Variants in SYNM observed in about 807,000 individuals in gnomAD.
SYNM encodes the protein desmuslin.
SYNM carries 95 observed loss-of-function variants against 104.0 expected under a neutral mutation model. The observed-to-expected ratio is 0.91, with a 90% CI of 0.77 to 1.08. The LOEUF (loss-of-function observed/expected upper bound fraction) is 1.08. Ranked by LOEUF, SYNM falls within the 50% of genes least tolerant of loss-of-function variation. The pLI is 0.00. For missense variants in SYNM, 2,150 were observed against 2,052.2 expected (o/e 1.05, Z -0.92); for synonymous variants, 918 against 869.0 (o/e 1.06, Z -0.99).
chr15:99,137,807 C>T, downstream of SYNM: 1 of 761,622 alleles, frequency 1.3e-6, no homozygotes, highest in Non-Finnish European at 2.0e-6. Context: ...TGCTTTATAG[C>T]ATATATCACC....
At chr15:99,127,179 T>C (rs548867577) in intron 3 of SYNM, among the ~76,000 whole-genome samples, 1 of 152,256 alleles carries the variant, frequency 6.6e-6, no homozygotes, top group South Asian at 2.1e-4. Context: ...GGTATGGCCT[T>C]GGATGGCAGG....
rs368878004 is a variant in SYNM at position 99,129,784 on chromosome 15, G to A, written c.1424G>A (p.Arg475His). 6 of 1,613,428 alleles carry A rather than the reference G, an allele frequency of 3.7e-6. No homozygotes were observed. Among genetic ancestry groups the A allele is most frequent in the East Asian group, 2.2e-5 (1 of 44,884 alleles). ...ATTGCCCGCGAGTCGTACCGGGATC[G>A]CCGAGACAAGGTGGCAGCAGGTGCT... The part of the protein sequence containing the change: ...STIARESYRD[R>H]RDKVAAGASE... The change falls in exon 4 of 4, where the codon CGC (arginine) becomes CAC (histidine). Residue 475 changes from arginine (R) to histidine (H), a missense_variant. By Grantham distance (29) the Arg-to-His change is conservative. Coordinates refer to ENST00000336292, the MANE Select transcript of SYNM (RefSeq NM_145728.3).
intron 2 of SYNM, among the ~76,000 whole-genome samples, chr15:99,126,513 C>T (rs1555485028): frequency 6.6e-6 from 1 of 152,232 alleles, no homozygotes; most frequent in Non-Finnish European, 1.5e-5. Context: ...TGGCGGTGAG[C>T]AGAGCAGGTG....
chr15:99,133,285 TACA>T lies in SYNM; in HGVS notation c.*229_*231del. On this transcript the variant is annotated 3_prime_UTR_variant, in exon 4 of 4. Transcript: ENST00000336292. ...AATTTTATTTTTGAGTTGGGACTTT[TACA>T]AAACACTTTTTTCCCTGGAGTCTTC... is the stretch of plus-strand genomic sequence containing the variant. 1.2e-6 allele frequency: 1 copy of T among 854,158 alleles called. No homozygotes were observed. Among genetic ancestry groups the T allele is most frequent in the Non-Finnish European group, 1.7e-6 (1 of 594,666 alleles). 52.9% of individuals were successfully genotyped at this position (854,158 alleles called of 1,614,324 possible). A position where few individuals can be genotyped will look rare whatever the true frequency, so the allele number is the denominator to read the frequency against.
In SYNM at chr15:99,105,570, TGGGCGCGCGCGCCGCCCTCGAGGC is replaced by T; in HGVS notation, c.373_396del (p.Gly125_Ala132del). ...CAGCAGCGCGAGCTGCAGGAGGCGC[TGGGCGCGCGCGCCGCCCTCGAGGC>T]GCTGCTGGGCCGGCTGCAGGCCGAG... On this transcript the variant is annotated inframe_deletion, in exon 1 of 4. Transcript: ENST00000336292. The T allele has an allele frequency of 1.7e-6, 2 of 1,164,034 alleles. No individual in the cohort carries two copies. The highest frequency in any genetic ancestry group is 2.1e-6 in the Non-Finnish European group (2 of 947,612). The allele number at this position is 1,164,034 out of a possible 1,614,324, so 72.1% of individuals were successfully genotyped here.
In SYNM at chr15:99,132,139, C is replaced by A. The variant is rs372141783; in HGVS notation, c.3779C>A (p.Thr1260Asn). ...ACAGAAGAGTCAGTGGGTACCCAGA[C>A]TTCTGTCAGGCAACTCCAGTTAGGC... The part of the protein sequence containing the change: ...FATEESVGTQ[T>N]SVRQLQLGPK... Residue 1260 changes from threonine to asparagine, a missense_variant, in exon 4 of 4, where the codon ACT (threonine) becomes AAT (asparagine). By Grantham distance (65) the Thr-to-Asn change is moderately conservative (BLOSUM62 0). Coordinates refer to ENST00000336292, the MANE Select transcript of SYNM (RefSeq NM_145728.3). 15 of 1,614,044 alleles carry A rather than the reference C, an allele frequency of 9.3e-6. No homozygotes were observed. The highest frequency in any genetic ancestry group is 1.7e-6 in the Non-Finnish European group (2 of 1,179,910).
rs928353694 is a variant in SYNM at position 99,135,029 on chromosome 15, G to A, written c.*1971G>A. The A allele has an allele frequency of 1.3e-5, 2 of 152,378 alleles. No homozygotes were observed. The highest frequency in any genetic ancestry group is 2.9e-5 in the Non-Finnish European group (2 of 68,050). The allele number at this position is 152,378 out of a possible 1,614,324, so 9.4% of individuals were successfully genotyped here. ...GGTGACAGCCTCCTGTCTGATGACA[G>A]GACAGACTGGTGGTGAGGAGTCTAA... On this transcript the variant is annotated 3_prime_UTR_variant, in exon 4 of 4. Coordinates refer to ENST00000336292, the MANE Select transcript of SYNM (RefSeq NM_145728.3).
In SYNM at chr15:99,105,856, C is replaced by G; in HGVS notation, c.657C>G (p.Ser219Arg). 1 of 1,541,030 alleles carries G rather than the reference C, an allele frequency of 6.5e-7. No individual in the cohort carries two copies. Among genetic ancestry groups the G allele is most frequent in the Non-Finnish European group, 8.7e-7 (1 of 1,145,936 alleles). Reference sequence around the variant, plus strand: ...AGGCGCTGCGGCGCGGCCAGGAGAGCAGACTCCAGGCGGAGGAAGAGACGC... The same window carrying G: ...AGGCGCTGCGGCGCGGCCAGGAGAGGAGACTCCAGGCGGAGGAAGAGACGC... Reference protein sequence around the residue: ...LEEALRRGQESRLQAEEETRL... With the variant: ...LEEALRRGQERRLQAEEETRL... Residue 219 changes from serine (S) to arginine (R), a missense_variant, in exon 1 of 4, where the codon AGC becomes AGG. Physicochemically the swap from Ser to Arg is moderately radical, Grantham distance 110 (BLOSUM62 -1). Coordinates refer to ENST00000336292, the MANE Select transcript of SYNM (RefSeq NM_145728.3).
Position 99,129,777 on chromosome 15 carries a change from C to G in SYNM, c.1417C>G (p.Arg473Gly). The G allele has an allele frequency of 6.2e-7, 1 of 1,613,472 alleles. No homozygotes were observed. Among genetic ancestry groups the G allele is most frequent in the Admixed American group, 1.7e-5 (1 of 59,998 alleles). ...EDSTIARESYRDRRDKVAAGA... is the reference protein window; with the variant it reads ...EDSTIARESYGDRRDKVAAGA... ...TTCCACAATTGCCCGCGAGTCGTAC[C>G]GGGATCGCCGAGACAAGGTGGCAGC... The change falls in exon 4 of 4, where the codon CGG (arginine) becomes GGG (glycine). Residue 473 changes from arginine to glycine, a missense_variant. By Grantham distance (125) the Arg-to-Gly change is moderately radical. Transcript: ENST00000336292.
At chr15:99,109,198 C>T (rs935053281) in intron 1 of SYNM, among the ~76,000 whole-genome samples, 1 of 152,196 alleles carries the variant, frequency 6.6e-6, no homozygotes. Context: ...AGTCATTGGC[C>T]TGCCCCAGGC....
At chr15:99,119,885 C>A (rs912048259) in intron 2 of SYNM, among the ~76,000 whole-genome samples, 2 of 152,222 alleles carry the variant, frequency 1.3e-5, no homozygotes, top group African/African-American at 4.8e-5. Flanking sequence ...TTTGCTTTAT[C>A]TCATGACTGT....
chr15:99,117,005 C>T lies in SYNM; in HGVS notation c.935+3290C>T, dbSNP rs901449182. Among the ~76,000 whole-genome samples, 2 of 143,790 alleles carry T rather than the reference C, an allele frequency of 1.4e-5. 1 individual carries two copies. The highest frequency in any genetic ancestry group is 3.1e-5 in the Non-Finnish European group (2 of 64,764). The allele number at this position is 143,790 out of a possible 152,430, so 94.3% of individuals were successfully genotyped here. A position where few individuals can be genotyped will look rare whatever the true frequency, so the allele number is the denominator to read the frequency against. ...TGGGTTCTTTTAAACAACCAGATCT[C>T]ATGTGGACTCATAGAGTGAGAACTC... is the stretch of plus-strand genomic sequence containing the variant. On this transcript the variant is annotated intron_variant, in intron 2 of 3. Transcript: ENST00000336292.
chr15:99,129,120 A>G (rs1555485339), intron 3 of SYNM: 1 of 519,454 alleles, frequency 1.9e-6, no homozygotes, highest in East Asian at 3.4e-5. Flanking sequence ...GAGTATTTTA[A>G]TATCAGTAAC....
chr15:99,123,153 G>A (rs1371633453), intron 2 of SYNM, among the ~76,000 whole-genome samples: 1 of 152,206 alleles, frequency 6.6e-6, no homozygotes, highest in Non-Finnish European at 1.5e-5. Context: ...GGGAAACTGA[G>A]TCACAGTGGG....
At chr15:99,111,760 T>C (rs954128123) in intron 1 of SYNM, among the ~76,000 whole-genome samples, 6 of 152,232 alleles carry the variant, frequency 3.9e-5, no homozygotes, top group African/African-American at 1.4e-4. Context: ...AATGATAAAT[T>C]CTGGCTGGGT....
chr15:99,128,292 G>C (rs565691275), intron 3 of SYNM, among the ~76,000 whole-genome samples: 1 of 152,128 alleles, frequency 6.6e-6, no homozygotes, highest in Non-Finnish European at 1.5e-5. Context: ...CCGCTTGCCC[G>C]CTAGCCGGTG....
At chr15:99,108,135 T>C (rs1555483044) in intron 1 of SYNM, among the ~76,000 whole-genome samples, 1 of 151,890 alleles carries the variant, frequency 6.6e-6, no homozygotes, top group Non-Finnish European at 1.5e-5. Flanking sequence ...CCACCCCGCC[T>C]GGCTAATTTT....
chr15:99,130,659 CCATT>C lies in SYNM; in HGVS notation c.2302_2305del (p.Phe768LysfsTer50), dbSNP rs781911626. 6.2e-6 allele frequency: 10 copies of C among 1,613,680 alleles called. No individual in the cohort carries two copies. Among genetic ancestry groups the C allele is most frequent in the Non-Finnish European group, 8.5e-6 (10 of 1,179,774 alleles). On this transcript the variant is annotated frameshift_variant, in exon 4 of 4. Coordinates refer to ENST00000336292, the MANE Select transcript of SYNM (RefSeq NM_145728.3). LOFTEE classifies it high-confidence loss of function. ...GGAGAAGCCGGAGGAGTTTTCCGTC[CCATT>C]CAAAGTGGAGGAGGTCGAAGATGTG...
chr15:99,140,779 C>A, the SYNM span: 3 of 152,076 alleles, frequency 2.0e-5, no homozygotes, highest in African/African-American at 7.2e-5. Context: ...TATTTGTGCA[C>A]CAAAATTCAC....
Sources: gnomAD v4.1 joint callset for allele counts (sites outside exome capture counted in the v4.1 genomes callset) on GRCh38, gnomAD v4.1.1 for gene constraint, MANE v1.5 for transcripts, NCBI Gene and HGNC (gene_info 2026-07-23, HGNC 2026-07-21) for gene names.